Variants in FOXJ3 observed in about 807,000 individuals in gnomAD.
FOXJ3 encodes forkhead box protein J3.
FOXJ3 carries 22 observed loss-of-function variants against 76.1 expected under a neutral mutation model. The observed-to-expected ratio is 0.29, with a 90% CI of 0.21 to 0.41. FOXJ3 has a LOEUF of 0.41. FOXJ3 is among the 10% of genes least tolerant of loss of function. FOXJ3 has a pLI of 1.00. For missense variants in FOXJ3, 613 were observed against 762.1 expected, an observed-to-expected ratio of 0.80 and a Z score of 2.30; for synonymous variants, 269 against 261.2, an observed-to-expected ratio of 1.03 and a Z score of -0.29.
intron 4 of FOXJ3, chr1:42,264,861 A>G: frequency 5.4e-6 from 2 of 367,890 alleles, no homozygotes; most frequent in Non-Finnish European, 9.7e-6. Flanking sequence ...CAATCACCAA[A>G]TTTAATTTAA....
intron 4 of FOXJ3, among the ~76,000 whole-genome samples, chr1:42,236,528 A>G (rs1005239916): frequency 3.3e-5 from 5 of 152,244 alleles, no homozygotes; most frequent in Non-Finnish European, 7.3e-5. Flanking sequence ...TTGCCGAAGT[A>G]TATTTAAATA....
chr1:42,307,245 C>A (rs1654525817), intron 2 of FOXJ3, among the ~76,000 whole-genome samples: 1 of 152,224 alleles, frequency 6.6e-6, no homozygotes, highest in East Asian at 1.9e-4. Flanking sequence ...TCATAAACCA[C>A]TGAGAGACAG....
chr1:42,232,712 A>G (rs1648256906), intron 4 of FOXJ3, among the ~76,000 whole-genome samples: 1 of 152,162 alleles, frequency 6.6e-6, no homozygotes, highest in Non-Finnish European at 1.5e-5. Context: ...TCAGATGAGT[A>G]GATTGCAAAA....
intron 10 of FOXJ3, 100 bp from the exon 11 acceptor site, chr1:42,189,028 T>C (rs1646491730): frequency 2.8e-6 from 2 of 724,590 alleles, no homozygotes; most frequent in East Asian, 5.6e-5. Flanking sequence ...AAATTTCCAC[T>C]CACTCCACTT....
intron 3 of FOXJ3, among the ~76,000 whole-genome samples, chr1:42,272,350 A>G (rs140668586): frequency 6.6e-6 from 1 of 152,374 alleles, no homozygotes; most frequent in African/African-American, 2.4e-5. Flanking sequence ...GTAAAATAGA[A>G]CAAGGCCTGC....
At chr1:42,263,951 TTTTTTTTG>T (rs1328760932) in intron 4 of FOXJ3, among the ~76,000 whole-genome samples, 1 of 143,944 alleles carries the variant, frequency 6.9e-6, no homozygotes, top group African/African-American at 2.6e-5. Context: ...TTTTTTTTTT[TTTTTTTTG>T]AAGATTGCTG....
intron 4 of FOXJ3, among the ~76,000 whole-genome samples, chr1:42,244,835 A>T (rs1649417347): frequency 6.6e-6 from 1 of 152,196 alleles, no homozygotes; most frequent in African/African-American, 2.4e-5. Context: ...CTGAATCAAG[A>T]AGAAACAGAA....
At chr1:42,278,291 T>C (rs1411628064) in intron 3 of FOXJ3, 57 bp downstream of exon 3, 16 of 1,189,186 alleles carry the variant, frequency 1.3e-5, no homozygotes, top group African/African-American at 4.6e-5. Flanking sequence ...TTATTTTCAG[T>C]AGAAATCAAC....
chr1:42,189,580 G>C lies in FOXJ3; in HGVS notation c.1352-176C>G, dbSNP rs115634531. On this transcript the variant is annotated intron_variant, in intron 9 of 12. Coordinates refer to ENST00000361346, the MANE Select transcript of FOXJ3 (RefSeq NM_014947.5). ...ATCTGCTCTGTGAGACAGGCAGAAAGGTATTATTTCTCTCCATTTTACAAA... is the reference window on the plus strand; with the variant it reads ...ATCTGCTCTGTGAGACAGGCAGAAACGTATTATTTCTCTCCATTTTACAAA... The C allele has an allele frequency of 2.8e-3, 1,427 of 517,500 alleles. 26 individuals are homozygous for C. The highest frequency in any genetic ancestry group is 0.025 in the African/African-American group (1,309 of 51,372). The allele number at this position is 517,500 out of a possible 1,614,324, so 32.1% of individuals were successfully genotyped here.
In FOXJ3 at chr1:42,277,117, C is replaced by G. The variant is rs1652322966; in HGVS notation, c.369+1231G>C. Reference sequence around the variant, plus strand: ...TTCTGTATTGCTTTTGCAACTCTTGCAATAATCTAAAATTCTTTCAAGATA... The same window carrying G: ...TTCTGTATTGCTTTTGCAACTCTTGGAATAATCTAAAATTCTTTCAAGATA... On this transcript the variant is annotated intron_variant, in intron 3 of 12. Coordinates refer to ENST00000361346, the MANE Select transcript of FOXJ3 (RefSeq NM_014947.5). Among the ~76,000 whole-genome samples, 4 of 149,780 alleles carry G rather than the reference C, an allele frequency of 2.7e-5. 1 individual carries two copies. The South Asian group carries it at 8.5e-4, about 32-fold the overall frequency.
At chr1:42,189,538 A>G (rs971210034) in intron 9 of FOXJ3, 134 bp from the exon 10 acceptor site, 25 of 629,388 alleles carry the variant, frequency 4.0e-5, no homozygotes, top group Non-Finnish European at 6.3e-5. Context: ...TGTACCCATT[A>G]TATCACGTGT....
chr1:42,194,841 CCT>C, intron 8 of FOXJ3, 47 bp downstream of exon 8: 1 of 1,212,294 alleles, frequency 8.2e-7, no homozygotes, highest in Non-Finnish European at 1.2e-6. Flanking sequence ...AATTTAAAAA[CCT>C]TTTTCCAATA....
intron 3 of FOXJ3, among the ~76,000 whole-genome samples, chr1:42,275,770 T>C (rs1557692626): frequency 6.6e-6 from 1 of 152,172 alleles, no homozygotes; most frequent in South Asian, 2.1e-4. Context: ...AAAGAAATGG[T>C]TGATTCCAGG....
In FOXJ3 at chr1:42,178,235, C is replaced by T. The variant is rs1473924537; in HGVS notation, c.*1475G>A. The T allele has an allele frequency of 6.6e-6, 1 of 152,180 alleles. No homozygotes were observed. Among genetic ancestry groups the T allele is most frequent in the African/African-American group, 2.4e-5 (1 of 41,424 alleles). The allele number at this position is 152,180 out of a possible 1,614,324, so 9.4% of individuals were successfully genotyped here. A position where few individuals can be genotyped will look rare whatever the true frequency, so the allele number is the denominator to read the frequency against. ...ATAATATCTACATTAAACACTGAAG[C>T]AAATAAAACTGTAAGTGGCTCTATC... On this transcript the variant is annotated 3_prime_UTR_variant, in exon 13 of 13. Coordinates refer to ENST00000361346, the MANE Select transcript of FOXJ3 (RefSeq NM_014947.5).
intron 12 of FOXJ3, among the ~76,000 whole-genome samples, chr1:42,180,487 T>G (rs1356295939): frequency 6.6e-6 from 1 of 152,206 alleles, no homozygotes; most frequent in Non-Finnish European, 1.5e-5. Flanking sequence ...AACCAGCTGC[T>G]TTTTAAAAGT....
At chr1:42,185,877 T>C (rs148027016) in intron 11 of FOXJ3, among the ~76,000 whole-genome samples, 1 of 152,028 alleles carries the variant, frequency 6.6e-6, no homozygotes, top group Non-Finnish European at 1.5e-5. Context: ...AGGAAGCTCA[T>C]GGAGGTGTTT....
At chr1:42,269,194 G>A (rs1570111976) in intron 3 of FOXJ3, among the ~76,000 whole-genome samples, 2 of 151,988 alleles carry the variant, frequency 1.3e-5, no homozygotes, top group South Asian at 2.1e-4. Flanking sequence ...GAATTGTGGC[G>A]ATAAAATGGA....
At chr1:42,334,488 G>C (rs1052775928) in intron 1 of FOXJ3, among the ~76,000 whole-genome samples, 2 of 152,158 alleles carry the variant, frequency 1.3e-5, no homozygotes, top group Non-Finnish European at 2.9e-5. Context: ...ACGTCCGCAT[G>C]GAACGGCTGC....
At chr1:42,282,686 G>T (rs1329686723) in intron 2 of FOXJ3, among the ~76,000 whole-genome samples, 2 of 152,130 alleles carry the variant, frequency 1.3e-5, no homozygotes, top group Admixed American at 1.3e-4. Flanking sequence ...TTCTGTTCTG[G>T]AATGTCCTTT....
Sources: allele counts gnomAD v4.1 joint callset (sites outside exome capture counted in the v4.1 genomes callset), GRCh38; gene constraint gnomAD v4.1.1; transcripts MANE v1.5; gene names NCBI Gene and HGNC (gene_info 2026-07-23, HGNC 2026-07-21).